Variants in GEMIN5 observed in about 807,000 individuals in gnomAD.
The protein encoded by GEMIN5 is gem nuclear organelle associated protein 5.
A neutral mutation model predicts 176.9 loss-of-function variants in GEMIN5; 124 were observed. The ratio of observed to expected loss-of-function variants is 0.70; its 90% CI spans 0.61 to 0.81. GEMIN5 has a LOEUF of 0.81. Among genes scored for constraint, GEMIN5 ranks in the 40% least tolerant of loss-of-function variants. The pLI is 0.00. For missense variants in GEMIN5, 1,843 were observed against 1,814.6 expected, an observed-to-expected ratio of 1.02 and a Z score of -0.28; for synonymous variants, 673 against 665.2, an observed-to-expected ratio of 1.01 and a Z score of -0.18.
In GEMIN5 at chr5:154,936,108, C is replaced by T. The variant is rs546857407; in HGVS notation, c.328-86G>A. 10 of 818,022 alleles carry T rather than the reference C, an allele frequency of 1.2e-5. No individual in the cohort carries two copies. In the South Asian group the frequency reaches 1.6e-4, roughly 13 times the overall value. The allele number at this position is 818,022 out of a possible 1,614,324, so 50.7% of individuals were successfully genotyped here. ...TGTATCACAAACCAGCATAATGCTA[C>T]ATATACACATTAAAAGTAATTAATA... On this transcript the variant is annotated intron_variant, in intron 2 of 27. Coordinates refer to ENST00000285873, the MANE Select transcript of GEMIN5 (RefSeq NM_015465.5).
intron 18 of GEMIN5, among the ~76,000 whole-genome samples, chr5:154,903,994 T>C (rs931866693): frequency 6.6e-6 from 1 of 151,954 alleles, no homozygotes; most frequent in African/African-American, 2.4e-5. Flanking sequence ...AATAAAGTTA[T>C]TAAAATATCA....
At chr5:154,924,906 G>T (rs1364596505) in intron 8 of GEMIN5, among the ~76,000 whole-genome samples, 1 of 151,852 alleles carries the variant, frequency 6.6e-6, no homozygotes. Flanking sequence ...GGAGAAAGGC[G>T]TGAACCCGGG....
chr5:154,901,359 G>C lies in GEMIN5; in HGVS notation c.2994C>G (p.Leu998=), dbSNP rs373378229. The C allele has an allele frequency of 3.1e-6, 5 of 1,613,774 alleles. No homozygotes were observed. The African/African-American group carries it at 4.0e-5, about 13-fold the overall frequency. The part of the protein sequence containing the change: ...IHKVYEAVEL[L]KSNHFYREAI... ...CAGACCTGTAAAAATGGTTTGACTT[G>C]AGCAGCTCCACCGCTTCATACACTT... Residue 998 remains leucine (L), a synonymous_variant, in exon 21 of 28, where the codon CTC becomes CTG. Coordinates refer to ENST00000285873, the MANE Select transcript of GEMIN5 (RefSeq NM_015465.5).
At chr5:154,895,689 CT>C (rs1763333605) in intron 24 of GEMIN5, among the ~76,000 whole-genome samples, 1 of 152,144 alleles carries the variant, frequency 6.6e-6, no homozygotes, top group Non-Finnish European at 1.5e-5. Flanking sequence ...CATTATTCTG[CT>C]TTTCTATATT....
At chr5:154,905,254 C>A in intron 17 of GEMIN5, 109 bp downstream of exon 17, 4 of 518,460 alleles carry the variant, frequency 7.7e-6, no homozygotes, top group South Asian at 5.9e-5. Flanking sequence ...TATTTTGAAC[C>A]TATAAAAACA....
intron 3 of GEMIN5, 75 bp downstream of exon 3, chr5:154,935,766 C>CA (rs1764254727): frequency 4.9e-6 from 5 of 1,021,494 alleles, no homozygotes; most frequent in Non-Finnish European, 7.4e-6. Context: ...AATAAAAGGA[C>CA]AGAGAAGGTA....
chr5:154,928,622 T>C lies in GEMIN5; in HGVS notation c.819A>G (p.Arg273=). 6.2e-7 allele frequency: 1 copy of C among 1,613,880 alleles called. No individual in the cohort carries two copies. Among genetic ancestry groups the C allele is most frequent in the Non-Finnish European group, 8.5e-7 (1 of 1,179,748 alleles). Residue 273 remains arginine, a synonymous_variant, in exon 6 of 28, where the codon AGA becomes AGG. Transcript: ENST00000285873. ...MILKLPFLKR[R]GGGIDPTVKE... is the part of the protein sequence containing the mutation. ...TAACAGTTGGGTCTATACCCCCTCCTCTTCTCTTCAGAAAGGGCAATTTCA... is the reference window on the plus strand; with the variant it reads ...TAACAGTTGGGTCTATACCCCCTCCCCTTCTCTTCAGAAAGGGCAATTTCA...
chr5:154,917,020 C>A lies in GEMIN5; in HGVS notation c.1833G>T (p.Val611=). 1 of 1,590,038 alleles carries A rather than the reference C, an allele frequency of 6.3e-7. No individual in the cohort carries two copies. The highest frequency in any genetic ancestry group is 1.7e-5 in the Admixed American group (1 of 58,922). ...ASGSNNAVIY[V]HNLKTVIESS... The stretch of plus-strand genomic sequence containing the variant: ...TACCTATGACAGTCTTCAGGTTGTG[C>A]ACGTAAATGACTGCATTGTTGGAGC... The change falls in exon 13 of 28, where the codon GTG becomes GTT. Residue 611 remains valine, a synonymous_variant. Transcript: ENST00000285873.
chr5:154,924,708 G>A (rs1378094524), intron 8 of GEMIN5, among the ~76,000 whole-genome samples, 154 bp from the exon 9 acceptor site: 3 of 152,178 alleles, frequency 2.0e-5, no homozygotes, highest in Non-Finnish European at 2.9e-5. Context: ...AAACAAAGTC[G>A]GCCGGGCGCA....
At chr5:154,889,240 C>A in intron 27 of GEMIN5, 81 bp downstream of exon 27, 1 of 749,384 alleles carries the variant, frequency 1.3e-6, no homozygotes, top group Non-Finnish European at 2.4e-6. Context: ...AGAGAGGTAG[C>A]TGACCTTTAT....
At position 154,902,562 on chromosome 5, in the gene GEMIN5, T is replaced by C; in HGVS notation, c.2843A>G (p.Asn948Ser). ...TAAERGELTD[N>S]LVAMAPAAGY... ...ACCTGCTGGTGCCATAGCCACAAGGTTGTCTGTCAGCTCCCCTCTTTCTGC... is the reference window on the plus strand; with the variant it reads ...ACCTGCTGGTGCCATAGCCACAAGGCTGTCTGTCAGCTCCCCTCTTTCTGC... The change falls in exon 20 of 28, where the codon AAC becomes AGC. Residue 948 changes from asparagine to serine, a missense_variant. By Grantham distance (46) the Asn-to-Ser change is conservative. Transcript: ENST00000285873. 1 of 1,614,026 alleles carries C rather than the reference T, an allele frequency of 6.2e-7. No individual in the cohort carries two copies. The highest frequency in any genetic ancestry group is 8.5e-7 in the Non-Finnish European group (1 of 1,179,952).
intron 10 of GEMIN5, 76 bp downstream of exon 10, chr5:154,921,267 T>A (rs1763914788): frequency 1.3e-6 from 1 of 796,688 alleles, no homozygotes; most frequent in African/African-American, 1.7e-5. Flanking sequence ...TATGACTCTT[T>A]CCATCTTTAA....
Position 154,911,892 on chromosome 5 carries a change from C to T in GEMIN5, c.2002G>A (p.Asp668Asn). Residue 668 changes from aspartate to asparagine, a missense_variant, in exon 15 of 28, where the codon GAT becomes AAT. By Grantham distance (23) the Asp-to-Asn change is conservative. Coordinates refer to ENST00000285873, the MANE Select transcript of GEMIN5 (RefSeq NM_015465.5). ...CACAGGGGCTCTTCCCGGAGAGCATCCCACACCTAAACCCAAAAGCACATG... is the reference window on the plus strand; with the variant it reads ...CACAGGGGCTCTTCCCGGAGAGCATTCCACACCTAAACCCAAAAGCACATG... ...ASYDGTAQVWDALREEPLCNF... is the reference protein window; with the variant it reads ...ASYDGTAQVWNALREEPLCNF... 6.2e-7 allele frequency: 1 copy of T among 1,613,748 alleles called. No homozygotes were observed. The highest frequency in any genetic ancestry group is 1.7e-4 in the Middle Eastern group (1 of 6,060).
intron 16 of GEMIN5, among the ~76,000 whole-genome samples, chr5:154,907,061 T>A (rs1763582090): frequency 6.6e-6 from 1 of 152,204 alleles, no homozygotes; most frequent in South Asian, 2.1e-4. Flanking sequence ...TTGTGAGACA[T>A]CTGAGAGCCA....
chr5:154,920,715 CCTCT>C (rs1175794512), intron 10 of GEMIN5, among the ~76,000 whole-genome samples: 1 of 152,170 alleles, frequency 6.6e-6, no homozygotes, highest in Non-Finnish European at 1.5e-5. Context: ...ATCTACTTAT[CCTCT>C]CTATGTAATG....
Position 154,902,671 on chromosome 5 carries a change from C to T in GEMIN5, c.2734G>A (p.Gly912Ser). Residue 912 changes from glycine to serine, a missense_variant, in exon 20 of 28, where the codon GGT (glycine) becomes AGT (serine). Physicochemically the swap from Gly to Ser is moderately conservative, Grantham distance 56. Coordinates refer to ENST00000285873, the MANE Select transcript of GEMIN5 (RefSeq NM_015465.5). ...LYRMIDIEGK[G>S]HLENGHPELF... The stretch of plus-strand genomic sequence containing the variant: ...TCAGGGTGGCCATTTTCTAAGTGAC[C>T]TTTTCCTGTTTGAAAGAGAGATAAT... 1 of 1,613,772 alleles carries T rather than the reference C, an allele frequency of 6.2e-7. No homozygotes were observed. The highest frequency in any genetic ancestry group is 8.5e-7 in the Non-Finnish European group (1 of 1,179,734).
Position 154,891,698 on chromosome 5 carries a change from C to G in GEMIN5, c.3805G>C (p.Ala1269Pro). The G allele has an allele frequency of 1.9e-6, 3 of 1,609,644 alleles. No homozygotes were observed. The highest frequency in any genetic ancestry group is 2.5e-6 in the Non-Finnish European group (3 of 1,178,712). Residue 1269 changes from alanine (A) to proline (P), a missense_variant, in exon 26 of 28, where the codon GCC (alanine) becomes CCC (proline). Physicochemically the swap from Ala to Pro is conservative, Grantham distance 27. Coordinates refer to ENST00000285873, the MANE Select transcript of GEMIN5 (RefSeq NM_015465.5). ...TCCAAACTTTTGAAAGCTGGTGTGG[C>G]AGGGGATTGATGGTCCCCCAACTTG... ...RDKLGDHQSPATPAFKSLEAF... is the reference protein window; with the variant it reads ...RDKLGDHQSPPTPAFKSLEAF...
At chr5:154,929,855 A>G (rs1561728835) in intron 5 of GEMIN5, among the ~76,000 whole-genome samples, 1 of 152,244 alleles carries the variant, frequency 6.6e-6, no homozygotes, top group Non-Finnish European at 1.5e-5. Flanking sequence ...GGCAAATATG[A>G]TAAAACTATC....
intron 16 of GEMIN5, among the ~76,000 whole-genome samples, chr5:154,907,049 T>C (rs948657962): frequency 1.3e-5 from 2 of 152,298 alleles, no homozygotes; most frequent in South Asian, 4.1e-4. Flanking sequence ...TAGAACACTG[T>C]TTTGTGAGAC....
Sources: allele counts gnomAD v4.1 joint callset (sites outside exome capture counted in the v4.1 genomes callset), GRCh38; gene constraint gnomAD v4.1.1; transcripts MANE v1.5; gene names NCBI Gene and HGNC (gene_info 2026-07-23, HGNC 2026-07-21).